Variants in GPC5 observed in about 807,000 individuals in gnomAD.
GPC5 encodes glypican-5.
A neutral mutation model predicts 53.9 loss-of-function variants in GPC5; 47 were observed. That is an observed-to-expected ratio of 0.87 (90% CI 0.69 to 1.11). The LOEUF (loss-of-function observed/expected upper bound fraction) is 1.11, where lower values mean the gene tolerates loss of function less well. GPC5 is among the 50% of genes most tolerant of loss of function. GPC5 has a pLI of 0.00. For missense variants in GPC5, 748 were observed against 713.1 expected, an observed-to-expected ratio of 1.05 and a Z score of -0.56; for synonymous variants, 286 against 263.3, an observed-to-expected ratio of 1.09 and a Z score of -0.84.
At position 92,054,321 on chromosome 13, in the gene GPC5, A is replaced by T. The variant is rs367683551; in HGVS notation, c.1402-90509A>T. Among the ~76,000 whole-genome samples, 65 of 152,242 alleles carry T rather than the reference A, an allele frequency of 4.3e-4. 1 individual carries two copies. In the South Asian group the frequency reaches 0.013, roughly 30 times the overall value. On this transcript the variant is annotated intron_variant, in intron 6 of 7. Coordinates refer to ENST00000377067, the MANE Select transcript of GPC5 (RefSeq NM_004466.6). ...TATTCTTGTTTTTCATAGCCTGACA[A>T]AAGACAAGGCAGCTTTTGTCTCTGA...
At chr13:92,739,835 TCAGA>T (rs551195117) in intron 7 of GPC5, among the ~76,000 whole-genome samples, 25 of 151,958 alleles carry the variant, frequency 1.6e-4, no homozygotes, top group Non-Finnish European at 3.4e-4. Context: ...TCTGCTTCCC[TCAGA>T]CAAAGAACAA....
intron 3 of GPC5, among the ~76,000 whole-genome samples, chr13:91,727,988 A>G (rs988793799): frequency 2.0e-5 from 3 of 152,288 alleles, no homozygotes; most frequent in African/African-American, 2.4e-5. Context: ...ATAACACCCT[A>G]AAATTACACC....
intron 5 of GPC5, among the ~76,000 whole-genome samples, chr13:91,860,670 T>C (rs1391050197): frequency 6.6e-6 from 1 of 151,894 alleles, no homozygotes; most frequent in African/African-American, 2.4e-5. Flanking sequence ...TCCAGCCAAT[T>C]TTTATATTTT....
intron 1 of GPC5, among the ~76,000 whole-genome samples, chr13:91,432,228 T>G (rs868621394): frequency 2.7e-5 from 4 of 150,748 alleles, no homozygotes; most frequent in African/African-American, 7.4e-5. Context: ...TGTGTGTGTG[T>G]GTGTGTGTGT....
At chr13:91,809,537 TTA>T (rs1471266788) in intron 5 of GPC5, among the ~76,000 whole-genome samples, 1 of 152,110 alleles carries the variant, frequency 6.6e-6, no homozygotes, top group Non-Finnish European at 1.5e-5. Flanking sequence ...TAGAGAAAAG[TTA>T]TATATATAAT....
chr13:92,545,718 C>T (rs1379245961), intron 7 of GPC5, among the ~76,000 whole-genome samples: 1 of 152,110 alleles, frequency 6.6e-6, no homozygotes, highest in Non-Finnish European at 1.5e-5. Context: ...TAAATGTCTT[C>T]TTTTGAGAAG....
At chr13:92,770,225 G>T (rs1875559801) in intron 7 of GPC5, among the ~76,000 whole-genome samples, 1 of 152,008 alleles carries the variant, frequency 6.6e-6, no homozygotes, top group Admixed American at 6.6e-5. Flanking sequence ...ACCAGCCTGG[G>T]CAATATAGGC....
chr13:91,801,289 GTGTGTT>G (rs1653915804), intron 5 of GPC5, among the ~76,000 whole-genome samples: 1 of 135,270 alleles, frequency 7.4e-6, no homozygotes, highest in Non-Finnish European at 1.6e-5. Flanking sequence ...GTGTGTGTGT[GTGTGTT>G]TTCTTCAGAA....
chr13:92,747,407 C>G (rs1889266682), intron 7 of GPC5, among the ~76,000 whole-genome samples: 1 of 152,028 alleles, frequency 6.6e-6, no homozygotes, highest in Non-Finnish European at 1.5e-5. Flanking sequence ...TTTACTTCAG[C>G]CAATGAGTGG....
chr13:92,684,969 G>A (rs1288899330), intron 7 of GPC5, among the ~76,000 whole-genome samples: 1 of 152,110 alleles, frequency 6.6e-6, no homozygotes, highest in African/African-American at 2.4e-5. Context: ...GTTTTAGTTT[G>A]CAATTTTCTA....
At chr13:92,347,244 T>A (rs531600747) in intron 7 of GPC5, among the ~76,000 whole-genome samples, 3 of 152,190 alleles carry the variant, frequency 2.0e-5, no homozygotes, top group Non-Finnish European at 2.9e-5. Context: ...TCAAGACACA[T>A]AATAATCAAA....
chr13:92,176,974 A>G (rs2042113341), intron 7 of GPC5, among the ~76,000 whole-genome samples: 1 of 152,236 alleles, frequency 6.6e-6, no homozygotes, highest in Non-Finnish European at 1.5e-5. Flanking sequence ...AACAAGCCAG[A>G]CATGACCTCC....
intron 7 of GPC5, among the ~76,000 whole-genome samples, chr13:92,777,399 C>T (rs1291826061): frequency 6.7e-6 from 1 of 150,124 alleles, no homozygotes; most frequent in Non-Finnish European, 1.5e-5. Flanking sequence ...CTTTGGGAGG[C>T]CAAGGCAGGC....
chr13:91,664,119 T>C (rs2035049097), intron 2 of GPC5, among the ~76,000 whole-genome samples: 1 of 152,232 alleles, frequency 6.6e-6, no homozygotes, highest in African/African-American at 2.4e-5. Flanking sequence ...ATATCAGAGA[T>C]GACTTGCAGC....
chr13:92,032,295 G>A (rs1281956234), intron 6 of GPC5, among the ~76,000 whole-genome samples: 2 of 151,146 alleles, frequency 1.3e-5, no homozygotes, highest in African/African-American at 4.9e-5. Context: ...GGGAAAGGGT[G>A]ACAGGGGTTA....
intron 5 of GPC5, among the ~76,000 whole-genome samples, 199 bp from the exon 6 acceptor site, chr13:91,907,738 A>G (rs1321984321): frequency 6.6e-6 from 1 of 151,870 alleles, no homozygotes; most frequent in Admixed American, 6.6e-5. Flanking sequence ...TTATTTTTAG[A>G]TTGATCTAAT....
intron 7 of GPC5, among the ~76,000 whole-genome samples, chr13:92,584,702 G>A: frequency 6.6e-6 from 1 of 152,162 alleles, no homozygotes; most frequent in East Asian, 1.9e-4. Context: ...AGGTCTTCAT[G>A]GCAGCCCTTT....
chr13:92,171,672 T>C (rs2139022427), intron 7 of GPC5, among the ~76,000 whole-genome samples: 1 of 152,326 alleles, frequency 6.6e-6, no homozygotes. Context: ...TTCATTTAGT[T>C]ATTCATTGGG....
At chr13:92,217,313 A>G (rs1458523934) in intron 7 of GPC5, among the ~76,000 whole-genome samples, 1 of 152,166 alleles carries the variant, frequency 6.6e-6, no homozygotes, top group African/African-American at 2.4e-5. Flanking sequence ...TCAGCTGTAC[A>G]CTTCCTTGTA....
Sources: allele counts gnomAD v4.1 joint callset (sites outside exome capture counted in the v4.1 genomes callset), GRCh38; gene constraint gnomAD v4.1.1; transcripts MANE v1.5; gene names NCBI Gene and HGNC (gene_info 2026-07-23, HGNC 2026-07-21).